The following OSBPL6 variants were observed in gnomAD, a reference collection of about 807,000 sequenced individuals.
The protein encoded by OSBPL6 is oxysterol-binding protein-related protein 6.
OSBPL6 carries 49 observed loss-of-function variants against 125.8 expected under a neutral mutation model. The observed-to-expected ratio is 0.39, with a 90% CI of 0.31 to 0.49. The LOEUF (loss-of-function observed/expected upper bound fraction) is 0.49. Among genes scored for constraint, OSBPL6 ranks in the 20% least tolerant of loss-of-function variants. OSBPL6 has a pLI of 0.88. For synonymous variants in OSBPL6, 394 were observed against 391.8 expected, an observed-to-expected ratio of 1.01 and a Z score of -0.07; for missense variants, 986 against 1,135.4, an observed-to-expected ratio of 0.87 and a Z score of 1.89.
chr2:178,336,203 T>C (rs1480251224), intron 8 of OSBPL6, 98 bp from the exon 9 acceptor site: 2 of 1,433,248 alleles, frequency 1.4e-6, no homozygotes, highest in East Asian at 2.3e-5. Context: ...TGCATTTTCT[T>C]CCTCTCTTTG....
intron 12 of OSBPL6, among the ~76,000 whole-genome samples, chr2:178,357,864 G>A (rs1014556881): frequency 6.6e-6 from 1 of 152,170 alleles, no homozygotes; most frequent in African/African-American, 2.4e-5. Flanking sequence ...ACTGGATTAA[G>A]AAAATGTGGC....
rs547145692 is a variant in OSBPL6, at chr2:178,238,096, T to C, written c.-351+43422T>C. On this transcript the variant is annotated intron_variant, in intron 1 of 24. Transcript: ENST00000190611. Reference sequence around the variant, plus strand: ...CATGGTATTCATCTCATGTATTCTTTTGGGGTCAGCTCCTATCTCCCTGAC... The same window carrying C: ...CATGGTATTCATCTCATGTATTCTTCTGGGGTCAGCTCCTATCTCCCTGAC... Among the ~76,000 whole-genome samples, 7 of 152,346 alleles carry C rather than the reference T, an allele frequency of 4.6e-5. No individual in the cohort carries two copies. The South Asian group carries it at 8.3e-4, about 18-fold the overall frequency.
chr2:178,235,261 G>A (rs1204239472), intron 1 of OSBPL6, among the ~76,000 whole-genome samples: 1 of 151,622 alleles, frequency 6.6e-6, no homozygotes, highest in Non-Finnish European at 1.5e-5. Flanking sequence ...GAGGGGTTGA[G>A]TTATACATAT....
At chr2:178,209,831 G>T (rs2089753274) in intron 1 of OSBPL6, among the ~76,000 whole-genome samples, 1 of 151,296 alleles carries the variant, frequency 6.6e-6, no homozygotes, top group South Asian at 2.1e-4. Context: ...ACAAGCTTTT[G>T]CCTGAAGGCT....
intron 24 of OSBPL6, among the ~76,000 whole-genome samples, chr2:178,394,768 T>A (rs1299822780): frequency 6.6e-6 from 1 of 152,162 alleles, no homozygotes; most frequent in Non-Finnish European, 1.5e-5. Context: ...GCCCACAAGA[T>A]CATCCTGGCT....
intron 1 of OSBPL6, among the ~76,000 whole-genome samples, chr2:178,207,434 C>T (rs756165758): frequency 6.6e-6 from 1 of 152,178 alleles, no homozygotes; most frequent in African/African-American, 2.4e-5. Flanking sequence ...TCTCAGTATC[C>T]TTCACTTAAT....
At chr2:178,358,354 C>T (rs2154096559) in intron 12 of OSBPL6, among the ~76,000 whole-genome samples, 1 of 152,198 alleles carries the variant, frequency 6.6e-6, no homozygotes, top group Non-Finnish European at 1.5e-5. Context: ...AATTATATTA[C>T]AAAGCTATAG....
intron 1 of OSBPL6, among the ~76,000 whole-genome samples, chr2:178,248,569 A>C (rs912450625): frequency 6.6e-6 from 1 of 152,178 alleles, no homozygotes; most frequent in Non-Finnish European, 1.5e-5. Flanking sequence ...GATCTGTTTT[A>C]TTAAGGAAGG....
At chr2:178,247,983 C>T (rs773231499) in intron 1 of OSBPL6, among the ~76,000 whole-genome samples, 1 of 152,158 alleles carries the variant, frequency 6.6e-6, no homozygotes, top group Non-Finnish European at 1.5e-5. Context: ...TACTTGCCCT[C>T]TTCTTGATTA....
chr2:178,207,221 G>A (rs1216922186), intron 1 of OSBPL6, among the ~76,000 whole-genome samples: 1 of 152,192 alleles, frequency 6.6e-6, no homozygotes, highest in African/African-American at 2.4e-5. Context: ...CAACACAAAT[G>A]TATTCTCTCC....
chr2:178,382,780 C>G (rs1460190342), intron 16 of OSBPL6: 4 of 1,420,838 alleles, frequency 2.8e-6, no homozygotes, highest in Non-Finnish European at 3.7e-6. Context: ...TTTTTTAAAA[C>G]TTAGCCTGTC....
intron 1 of OSBPL6, among the ~76,000 whole-genome samples, chr2:178,264,574 C>G (rs941565003): frequency 1.7e-4 from 26 of 152,178 alleles, no homozygotes; most frequent in African/African-American, 6.3e-4. Flanking sequence ...TACAAAATTT[C>G]CTGGTCTTCA....
chr2:178,355,368 A>G (rs1189523606), intron 12 of OSBPL6, among the ~76,000 whole-genome samples: 1 of 152,212 alleles, frequency 6.6e-6, no homozygotes, highest in Non-Finnish European at 1.5e-5. Context: ...AAAAGAGAGA[A>G]GAGTCAAATA....
chr2:178,236,548 G>C (rs1033354125), intron 1 of OSBPL6, among the ~76,000 whole-genome samples: 8 of 152,184 alleles, frequency 5.3e-5, no homozygotes, highest in Non-Finnish European at 8.8e-5. Context: ...ACTAACTTCA[G>C]ATGGCCATAC....
intron 11 of OSBPL6, among the ~76,000 whole-genome samples, chr2:178,348,952 G>A (rs910542324): frequency 1.3e-5 from 2 of 152,094 alleles, no homozygotes; most frequent in African/African-American, 4.8e-5. Flanking sequence ...AGCTTGCTTG[G>A]GATTATGTCT....
chr2:178,316,601 C>T (rs557479909), intron 3 of OSBPL6, among the ~76,000 whole-genome samples: 7 of 152,292 alleles, frequency 4.6e-5, no homozygotes, highest in Admixed American at 3.3e-4. Flanking sequence ...ACATACATAA[C>T]ATGGTTTATG....
intron 8 of OSBPL6, among the ~76,000 whole-genome samples, chr2:178,333,615 T>G (rs1437332342): frequency 6.6e-6 from 1 of 152,206 alleles, no homozygotes; most frequent in African/African-American, 2.4e-5. Context: ...TTTAACTTTA[T>G]GTGGCTTTGT....
At chr2:178,302,800 T>C (rs935552621) in intron 2 of OSBPL6, among the ~76,000 whole-genome samples, 1 of 152,220 alleles carries the variant, frequency 6.6e-6, no homozygotes, top group Non-Finnish European at 1.5e-5. Flanking sequence ...TTAGCATTGA[T>C]GTTAATGAAA....
chr2:178,286,548 CAAAGAT>C (rs1331130235), intron 2 of OSBPL6, among the ~76,000 whole-genome samples: 1 of 152,162 alleles, frequency 6.6e-6, no homozygotes, highest in Non-Finnish European at 1.5e-5. Context: ...GAAGACTTTT[CAAAGAT>C]AAGATGTTTC....
Sources: gnomAD v4.1 joint callset for allele counts (sites outside exome capture counted in the v4.1 genomes callset) on GRCh38, gnomAD v4.1.1 for gene constraint, MANE v1.5 for transcripts, NCBI Gene and HGNC (gene_info 2026-07-23, HGNC 2026-07-21) for gene names.